Variants in MAOB observed in about 807,000 individuals in gnomAD.
MAOB encodes the protein amine oxidase [flavin-containing] B.
A neutral mutation model predicts 41.9 loss-of-function variants in MAOB; 15 were observed. The ratio of observed to expected loss-of-function variants is 0.36; its 90% confidence interval spans 0.24 to 0.55. MAOB has a LOEUF of 0.55. Among genes scored for constraint, MAOB ranks in the 20% least tolerant of loss-of-function variants. The probability of loss-of-function intolerance (pLI) is 0.86; values close to 1 mark genes in which losing one functional copy is unlikely to be tolerated. For synonymous variants in MAOB, 167 were observed against 144.2 expected, an observed-to-expected ratio of 1.16 and a Z score of -1.13; for missense variants, 345 against 398.7, an observed-to-expected ratio of 0.87 and a Z score of 1.15.
chrX:43,842,648 A>G (rs889720178), intron 2 of MAOB, among the ~76,000 whole-genome samples: 1 of 112,614 alleles, frequency 8.9e-6, no homozygotes, highest in Non-Finnish European at 1.9e-5. Context: ...CATTATCTAC[A>G]GTAGCCATGA....
chrX:43,857,291 C>T (rs1000048335), intron 1 of MAOB, among the ~76,000 whole-genome samples: 1 of 105,280 alleles, frequency 9.5e-6, no homozygotes, highest in Non-Finnish European at 1.9e-5. Flanking sequence ...AGCCATTCTC[C>T]TGTCTCAGCC....
At chrX:43,869,270 A>C in intron 1 of MAOB, among the ~76,000 whole-genome samples, 1 of 111,745 alleles carries the variant, frequency 8.9e-6, no homozygotes, top group East Asian at 2.8e-4. Context: ...TTCCCACTGG[A>C]CTTTAAATAA....
chrX:43,847,277 G>A (rs1025887064), intron 1 of MAOB, among the ~76,000 whole-genome samples: 4 of 111,065 alleles, frequency 3.6e-5, no homozygotes, highest in African/African-American at 9.8e-5. Context: ...TCTGGGAGGC[G>A]GAGGTTGCAG....
intron 1 of MAOB, among the ~76,000 whole-genome samples, chrX:43,872,897 C>G (rs1308595727): frequency 9.0e-6 from 1 of 111,716 alleles, no homozygotes; most frequent in Admixed American, 9.5e-5. Context: ...CTATAATTTA[C>G]AGATTTTCAC....
intron 12 of MAOB, 96 bp downstream of exon 12, chrX:43,775,079 T>TTTTA: frequency 1.1e-6 from 1 of 924,402 alleles, no homozygotes; most frequent in Admixed American, 6.0e-5. Flanking sequence ...TTTTTGTATT[T>TTTTA]ATAAGAAACA....
rs1186408887 is a variant in MAOB, at chrX:43,767,332, G to T, written c.*134C>A. The T allele has an allele frequency of 2.5e-5, 15 of 590,559 alleles. No homozygotes were observed. The highest frequency in any genetic ancestry group is 3.8e-5 in the Admixed American group (1 of 26,483). The allele number at this position is 590,559 out of a possible 1,213,427, so 48.7% of individuals were successfully genotyped here. A position where few individuals can be genotyped will look rare whatever the true frequency, so the allele number is the denominator to read the frequency against. Reference sequence around the variant, plus strand: ...AGAGATACCATGTATTTTACAGTCAGAGTTGGATTTATCTTCATGCTCCCC... The same window carrying T: ...AGAGATACCATGTATTTTACAGTCATAGTTGGATTTATCTTCATGCTCCCC... On this transcript the variant is annotated 3_prime_UTR_variant, in exon 15 of 15. Transcript: ENST00000378069.
chrX:43,796,367 C>T (rs890936766), intron 6 of MAOB, among the ~76,000 whole-genome samples: 2 of 111,480 alleles, frequency 1.8e-5, no homozygotes, highest in African/African-American at 6.5e-5. Flanking sequence ...GGCTGCCCAT[C>T]TTATCCTGGG....
intron 6 of MAOB, among the ~76,000 whole-genome samples, chrX:43,796,091 T>C (rs1196215354): frequency 8.9e-6 from 1 of 112,122 alleles, no homozygotes; most frequent in African/African-American, 3.2e-5. Context: ...TTACAAGCTA[T>C]GCTCTTGTAG....
chrX:43,867,167 C>T (rs183716461), intron 1 of MAOB, among the ~76,000 whole-genome samples: 20 of 111,928 alleles, frequency 1.8e-4, no homozygotes, highest in Non-Finnish European at 1.5e-4. Context: ...GCAATGTCTG[C>T]TACAAATGTC....
intron 3 of MAOB, among the ~76,000 whole-genome samples, chrX:43,817,078 T>A (rs1215278638): frequency 1.8e-5 from 2 of 109,470 alleles, no homozygotes; most frequent in Non-Finnish European, 3.8e-5. Context: ...TCTCTCTCTC[T>A]CTCTTCTTCT....
chrX:43,857,152 GAGAGAGAGAGAGAA>G (rs2035301680), intron 1 of MAOB, among the ~76,000 whole-genome samples: 1 of 59,220 alleles, frequency 1.7e-5, no homozygotes, highest in Non-Finnish European at 2.9e-5. Context: ...GAGAGAGAGA[GAGAGAGAGAGAGAA>G]GAAGAGAGAG....
chrX:43,793,767 A>C (rs1226916600), intron 7 of MAOB, among the ~76,000 whole-genome samples, 189 bp from the exon 8 acceptor site: 1 of 111,973 alleles, frequency 8.9e-6, no homozygotes, highest in Non-Finnish European at 1.9e-5. Flanking sequence ...ATTGCACTTA[A>C]AGTCAAAGCC....
intron 3 of MAOB, among the ~76,000 whole-genome samples, chrX:43,827,706 T>C (rs767260995): frequency 9.0e-6 from 1 of 111,484 alleles, no homozygotes; most frequent in African/African-American, 3.3e-5. Flanking sequence ...TTAATCTGCT[T>C]CGAAGCACAA....
chrX:43,768,263 T>G (rs1046966085), intron 14 of MAOB, among the ~76,000 whole-genome samples: 9 of 112,314 alleles, frequency 8.0e-5, no homozygotes, highest in African/African-American at 2.9e-4. Flanking sequence ...TATTCTCCAT[T>G]TCATTCCATT....
intron 2 of MAOB, among the ~76,000 whole-genome samples, chrX:43,841,178 T>C (rs921049728): frequency 1.8e-5 from 2 of 111,855 alleles, no homozygotes; most frequent in Non-Finnish European, 3.8e-5. Context: ...AGCTTCTATA[T>C]CTATTATTCA....
chrX:43,775,901 G>A (rs548358793), intron 11 of MAOB, among the ~76,000 whole-genome samples: 3 of 112,355 alleles, frequency 2.7e-5, no homozygotes, highest in South Asian at 7.2e-4. Context: ...GCATTACTTC[G>A]AAAAGATAAA....
intron 3 of MAOB, among the ~76,000 whole-genome samples, chrX:43,811,645 G>C (rs1403196600): frequency 1.8e-5 from 2 of 111,938 alleles, no homozygotes; most frequent in Non-Finnish European, 3.8e-5. Flanking sequence ...TCTTCTGTTC[G>C]TGTGCCTATT....
At chrX:43,853,249 C>A in intron 1 of MAOB, among the ~76,000 whole-genome samples, 1 of 80,181 alleles carries the variant, frequency 1.2e-5, no homozygotes, top group African/African-American at 5.3e-5. Context: ...GCCTGGGCGA[C>A]AGAGCGAGAG....
rs758266035 is a variant in MAOB, at chrX:43,792,143, T to C, written c.928+1276A>G. Among the ~76,000 whole-genome samples, 3 of 112,290 alleles carry C rather than the reference T, an allele frequency of 2.7e-5. No homozygotes were observed. In the East Asian group the frequency reaches 8.4e-4, roughly 31 times the overall value. On this transcript the variant is annotated intron_variant, in intron 8 of 14. Coordinates refer to ENST00000378069, the MANE Select transcript of MAOB (RefSeq NM_000898.5). ...TTTTGGGGGAGGATTAAATAAACCT[T>C]TTATTGATTTACAAAGAGTTGGTTA...
Sources: gnomAD v4.1 joint callset for allele counts (sites outside exome capture counted in the v4.1 genomes callset) on GRCh38, gnomAD v4.1.1 for gene constraint, MANE v1.5 for transcripts, NCBI Gene and HGNC (gene_info 2026-07-23, HGNC 2026-07-21) for gene names.